FBRS: variants seen among roughly 807,000 people sequenced by gnomAD.
The protein encoded by FBRS is probable fibrosin-1.
Under a neutral mutation model 86.1 loss-of-function variants are expected in FBRS, and 15 were observed. The ratio of observed to expected loss-of-function variants is 0.17; its 90% CI spans 0.12 to 0.27. The LOEUF (loss-of-function observed/expected upper bound fraction) is 0.27, where lower values mean the gene tolerates loss of function less well. Among genes scored for constraint, FBRS ranks in the 10% least tolerant of loss-of-function variants. The pLI is 1.00. For missense variants in FBRS, 1,367 were observed against 1,301.6 expected (o/e 1.05, Z -0.77); for synonymous variants, 666 against 575.8 (o/e 1.16, Z -2.24).
At chr16:30,660,178 G>T in intron 1 of FBRS, 85 bp from the exon 2 acceptor site, 1 of 1,412,398 alleles carries the variant, frequency 7.1e-7, no homozygotes, top group Non-Finnish European at 9.3e-7. Flanking sequence ...CCGGCCCGAG[G>T]GGTACTTCGG....
chr16:30,663,713 C>T (rs961659264), intron 6 of FBRS, among the ~76,000 whole-genome samples: 3 of 152,100 alleles, frequency 2.0e-5, no homozygotes, highest in African/African-American at 7.2e-5. Context: ...TATTGATGCT[C>T]TATTTTGTCA....
chr16:30,668,165 T>C (rs1413603324), intron 15 of FBRS: 1 of 219,236 alleles, frequency 4.6e-6, no homozygotes, highest in Non-Finnish European at 9.0e-6. Context: ...GTCTTCAGGC[T>C]TGCTGCGGAG....
chr16:30,664,981 G>T (rs1221760690), intron 8 of FBRS, 54 bp from the exon 9 acceptor site: 12 of 1,609,078 alleles, frequency 7.5e-6, no homozygotes, highest in East Asian at 2.2e-5. Flanking sequence ...CATGGCTTCT[G>T]GGGGAAGGCC....
At position 30,670,239 on chromosome 16, in the gene FBRS, G is replaced by A. The variant is rs972779020; in HGVS notation, c.*594G>A. On this transcript the variant is annotated 3_prime_UTR_variant, in exon 18 of 18. Coordinates refer to ENST00000356166, the MANE Select transcript of FBRS (RefSeq NM_001105079.3). ...TCTCTGTGGGGAAAGGGGACTGCAG[G>A]GGGAAGAGCCGGGAAGGGACAGTCA... 4.8e-5 allele frequency: 22 copies of A among 457,162 alleles called. No individual in the cohort carries two copies. In the Admixed American group the frequency reaches 5.2e-4, roughly 11 times the overall value. 28.3% of individuals were successfully genotyped at this position (457,162 alleles called of 1,614,324 possible). A position where few individuals can be genotyped will look rare whatever the true frequency, so the allele number is the denominator to read the frequency against.
At chr16:30,664,164 C>G in intron 6 of FBRS, 51 bp from the exon 7 acceptor site, 1 of 1,284,502 alleles carries the variant, frequency 7.8e-7, no homozygotes, top group Admixed American at 3.6e-5. Flanking sequence ...CCCCTCCCGT[C>G]AGAGCTGGCA....
Position 30,669,326 on chromosome 16 carries a change from G to T in FBRS, c.2624G>T (p.Arg875Leu). 6.2e-7 allele frequency: 1 copy of T among 1,610,922 alleles called. No individual in the cohort carries two copies. The highest frequency in any genetic ancestry group is 8.5e-7 in the Non-Finnish European group (1 of 1,179,048). The change falls in exon 18 of 18, where the codon CGC becomes CTC. Residue 875 changes from arginine to leucine, a missense_variant. Transcript: ENST00000356166. This position sits in a 1 kb window ranked among gnomAD's most constrained non-coding sequence, Gnocchi z 5.9. ...PPFLGPSPPD[R>L]CAGFLEPTWL... ...TTTCTGGGCCCTAGCCCACCAGATC[G>T]CTGTGCTGGCTTCCTGGAGCCAACC...
At chr16:30,668,665 T>TCGGGGG (rs779234311) in intron 16 of FBRS, 22 bp downstream of exon 16, 10 of 1,457,368 alleles carry the variant, frequency 6.9e-6, no homozygotes, top group Non-Finnish European at 2.9e-6. Context: ...TGCGGTGGGG[T>TCGGGGG]GGGGGGGCTG....
Position 30,665,673 on chromosome 16 carries a change from G to A in FBRS, c.1740G>A (p.Pro580=), listed in dbSNP as rs369465603. The A allele has an allele frequency of 1.9e-5, 30 of 1,590,266 alleles. No homozygotes were observed. The African/African-American group carries it at 2.3e-4, about 12-fold the overall frequency. ...CTGAGCTGCCACCACGACTGGGGCC[G>A]GTGCCGAGCGGGCTCTCCCAGAAGG... ...TNPELPPRLG[P]VPSGLSQKGT... The change falls in exon 11 of 18, where the codon CCG becomes CCA. Residue 580 remains proline, a synonymous_variant. Transcript: ENST00000356166. The surrounding 1 kb of genome is among the most constrained non-coding windows in gnomAD (Gnocchi z 4.1).
chr16:30,664,554 C>T (rs1596616393), intron 7 of FBRS, 38 bp downstream of exon 7: 2 of 1,425,382 alleles, frequency 1.4e-6, no homozygotes, highest in Non-Finnish European at 1.8e-6. Flanking sequence ...GGGGGGCCAT[C>T]ACCCCGGGCT....
At position 30,658,615 on chromosome 16, in the gene FBRS, G is replaced by C. The variant is rs965721838; in HGVS notation, c.-904G>C. On this transcript the variant is annotated 5_prime_UTR_variant, in exon 1 of 18. Transcript: ENST00000356166. ...ACAGAGACGGAGGAAAGGAGGAAGA[G>C]ACTTTTATGTCGGCGGACAGGGGAG... The C allele has an allele frequency of 6.6e-6, 1 of 152,402 alleles. No homozygotes were observed. The highest frequency in any genetic ancestry group is 1.5e-5 in the Non-Finnish European group (1 of 68,136). 9.4% of individuals were successfully genotyped at this position (152,402 alleles called of 1,614,324 possible).
rs1052533755 is a variant in FBRS, at chr16:30,670,626, T to A, written c.*981T>A. 2 of 159,540 alleles carry A rather than the reference T, an allele frequency of 1.3e-5. No homozygotes were observed. The highest frequency in any genetic ancestry group is 4.8e-5 in the African/African-American group (2 of 41,444). The allele number at this position is 159,540 out of a possible 1,614,324, so 9.9% of individuals were successfully genotyped here. On this transcript the variant is annotated 3_prime_UTR_variant, in exon 18 of 18. Transcript: ENST00000356166. ...CCCAGGGGTGGGCGACACAGGCAGC[T>A]TCTTCGGCAGCCTCACGGCAGCAAC...
chr16:30,667,100 C>T (rs1224342122), intron 13 of FBRS, 110 bp downstream of exon 13: 2 of 1,151,716 alleles, frequency 1.7e-6, no homozygotes, highest in Non-Finnish European at 2.5e-6. Context: ...GAAACATTCT[C>T]TCCTGTCCCC....
At position 30,659,918 on chromosome 16, in the gene FBRS, G is replaced by A. The variant is rs1167369164; in HGVS notation, c.400G>A (p.Glu134Lys). The A allele has an allele frequency of 2.6e-6, 4 of 1,552,010 alleles. No homozygotes were observed. The highest frequency in any genetic ancestry group is 2.0e-5 in the Admixed American group (1 of 51,104). ...GGAGCCTGAGGAGGAGGAAGAGGAG[G>A]AGGAGGACTTGATCGATGGCTTCGC... ...EEEPEEEEEE[E>K]EDLIDGFAIA... The change falls in exon 1 of 18, where the codon GAG (glutamate) becomes AAG (lysine). Residue 134 changes from glutamate (E) to lysine (K), a missense_variant. Glu to Lys is a moderately conservative substitution (Grantham distance 56). This residue lies in a region of FBRS where 702 missense variants were observed against 598.7 expected (regional missense o/e 1.17). Coordinates refer to ENST00000356166, the MANE Select transcript of FBRS (RefSeq NM_001105079.3).
chr16:30,664,425 C>CCGGG lies in FBRS; in HGVS notation c.1266_1267insCGGG (p.Leu423ArgfsTer28). On this transcript the variant is annotated frameshift_variant, in exon 7 of 18. Coordinates refer to ENST00000356166, the MANE Select transcript of FBRS (RefSeq NM_001105079.3). LOFTEE classifies it high-confidence loss of function. ...CCCCCCCACCACCCCACCACCCCTCCTTGTTCTCCCCTGGCCCCACCCTGC... is the reference window on the plus strand; with the variant it reads ...CCCCCCCACCACCCCACCACCCCTCCCGGGTTGTTCTCCCCTGGCCCCACCCTGC... 2 of 1,401,654 alleles carry CCGGG rather than the reference C, an allele frequency of 1.4e-6. No homozygotes were observed. Among genetic ancestry groups the CCGGG allele is most frequent in the Non-Finnish European group, 1.9e-6 (2 of 1,054,476 alleles). 86.8% of individuals were successfully genotyped at this position (1,401,654 alleles called of 1,614,324 possible). A position where few individuals can be genotyped will look rare whatever the true frequency, so the allele number is the denominator to read the frequency against.
intron 12 of FBRS, 89 bp from the exon 13 acceptor site, chr16:30,666,830 G>A (rs964532868): frequency 1.1e-5 from 16 of 1,411,150 alleles, no homozygotes; most frequent in South Asian, 2.4e-5. Flanking sequence ...ATTTTGTGGC[G>A]AGGCTGGGCC....
Position 30,667,008 on chromosome 16 carries a change from C to G in FBRS, c.1875+18C>G. The G allele has an allele frequency of 6.3e-7, 1 of 1,597,644 alleles. No individual in the cohort carries two copies. The highest frequency in any genetic ancestry group is 8.5e-7 in the Non-Finnish European group (1 of 1,172,156). On this transcript the variant is annotated intron_variant, in intron 13 of 17. Coordinates refer to ENST00000356166, the MANE Select transcript of FBRS (RefSeq NM_001105079.3). ...AAATGAAGGTACTGGGGCCGGAGGG[C>G]TGGGGAGAGTGGGTCTCAGAGTCAG...
Position 30,670,168 on chromosome 16 carries a change from G to C in FBRS, c.*523G>C. The C allele has an allele frequency of 2.2e-6, 1 of 458,630 alleles. No individual in the cohort carries two copies. Among genetic ancestry groups the C allele is most frequent in the Non-Finnish European group, 4.4e-6 (1 of 227,326 alleles). The allele number at this position is 458,630 out of a possible 1,614,324, so 28.4% of individuals were successfully genotyped here. A position where few individuals can be genotyped will look rare whatever the true frequency, so the allele number is the denominator to read the frequency against. On this transcript the variant is annotated 3_prime_UTR_variant, in exon 18 of 18. Coordinates refer to ENST00000356166, the MANE Select transcript of FBRS (RefSeq NM_001105079.3). ...TGCCCCTCCCAACAGTTCCCTTCCT[G>C]GTTAATTAAACCCTCAGACTGGTGC...
At position 30,665,106 on chromosome 16, in the gene FBRS, G is replaced by C; in HGVS notation, c.1608+27G>C. On this transcript the variant is annotated intron_variant, in intron 9 of 17. Transcript: ENST00000356166. This position sits in a 1 kb window ranked among gnomAD's most constrained non-coding sequence, Gnocchi z 4.1. ...TGAGTGTGTGTGTGCGTGTGCGTAT[G>C]GGGTGTGTGGTGTGGGCGTGGATGC... The C allele has an allele frequency of 6.2e-7, 1 of 1,609,158 alleles. No homozygotes were observed. The highest frequency in any genetic ancestry group is 1.7e-4 in the Middle Eastern group (1 of 6,058).
Position 30,659,494 on chromosome 16 carries a change from G to A in FBRS, c.-25G>A. 1 of 287,922 alleles carries A rather than the reference G, an allele frequency of 3.5e-6. No homozygotes were observed. Among genetic ancestry groups the A allele is most frequent in the African/African-American group, 2.2e-5 (1 of 44,812 alleles). The allele number at this position is 287,922 out of a possible 1,614,324, so 17.8% of individuals were successfully genotyped here. A position where few individuals can be genotyped will look rare whatever the true frequency, so the allele number is the denominator to read the frequency against. ...GGCCGCTTCGGGCCCCGCCGCCTCC[G>A]GATGCGGCGCTGAGGGCGGTCGCCA... is the stretch of plus-strand genomic sequence containing the variant. On this transcript the variant is annotated 5_prime_UTR_variant, in exon 1 of 18. Transcript: ENST00000356166.
Sources: gnomAD v4.1 joint callset for allele counts (sites outside exome capture counted in the v4.1 genomes callset) on GRCh38, gnomAD v4.1.1 for gene constraint, gnomAD v4.1.1 regional missense constraint, Gnocchi (gnomAD v3.1) non-coding constraint, MANE v1.5 for transcripts, NCBI Gene and HGNC (gene_info 2026-07-23, HGNC 2026-07-21) for gene names.